TPH1: variants seen among roughly 807,000 people sequenced by gnomAD.
TPH1 encodes the protein tryptophan 5-hydroxylase 1.
A neutral mutation model predicts 49.5 loss-of-function variants in TPH1; 37 were observed. The ratio of observed to expected loss-of-function variants is 0.75; its 90% CI spans 0.58 to 0.98. The LOEUF (loss-of-function observed/expected upper bound fraction) is 0.98, where lower values mean the gene tolerates loss of function less well. Among genes scored for constraint, TPH1 ranks in the 50% least tolerant of loss-of-function variants. The pLI is 0.00. For synonymous variants in TPH1, 160 were observed against 182.1 expected (o/e 0.88, Z 0.98); for missense variants, 487 against 523.6 (o/e 0.93, Z 0.68).
chr11:18,044,081 A>G (rs938303402), intron 1 of TPH1, among the ~76,000 whole-genome samples: 2 of 152,126 alleles, frequency 1.3e-5, no homozygotes, highest in African/African-American at 4.8e-5. Context: ...ATTAATTGAA[A>G]TTTATGATAT....
At chr11:18,024,799 C>T (rs530496844) in intron 8 of TPH1, among the ~76,000 whole-genome samples, 161 of 152,294 alleles carry the variant, frequency 1.1e-3, no homozygotes, top group African/African-American at 3.8e-3. Context: ...TTCTATTTCA[C>T]GCTGCCTCCC....
chr11:18,032,080 T>A (rs1297793452), intron 4 of TPH1, among the ~76,000 whole-genome samples: 2 of 152,026 alleles, frequency 1.3e-5, no homozygotes, highest in Non-Finnish European at 2.9e-5. Flanking sequence ...CTGTCTAAGG[T>A]AGTATAAAAA....
intron 9 of TPH1, 43 bp from the exon 10 acceptor site, chr11:18,022,974 T>A (rs1854380643): frequency 1.9e-6 from 3 of 1,605,270 alleles, no homozygotes; most frequent in Middle Eastern, 4.0e-4. Flanking sequence ...AATATCTATT[T>A]TTCATAGATC....
intron 1 of TPH1, chr11:18,042,563 G>T: frequency 3.8e-6 from 1 of 262,396 alleles, no homozygotes; most frequent in Non-Finnish European, 7.6e-6. Flanking sequence ...AAACTTGGAG[G>T]GAGGATAATT....
chr11:18,036,194 G>T (rs759999606), intron 2 of TPH1, 52 bp from the exon 3 acceptor site: 2 of 1,405,468 alleles, frequency 1.4e-6, no homozygotes, highest in Non-Finnish European at 2.0e-6. Context: ...AATGTTAATA[G>T]TCTTTGAGCA....
At chr11:18,043,497 C>T (rs567304916) in intron 1 of TPH1, among the ~76,000 whole-genome samples, 10 of 152,018 alleles carry the variant, frequency 6.6e-5, no homozygotes, top group Non-Finnish European at 1.5e-4. Flanking sequence ...CCCAGCTACT[C>T]GGGAGGCTGA....
Position 18,019,699 on chromosome 11 carries a change from G to C in TPH1, c.*1292C>G. The C allele has an allele frequency of 2.2e-6, 1 of 463,978 alleles. No homozygotes were observed. Among genetic ancestry groups the C allele is most frequent in the South Asian group, 1.5e-5 (1 of 64,854 alleles). 28.7% of individuals were successfully genotyped at this position (463,978 alleles called of 1,614,324 possible). A position where few individuals can be genotyped will look rare whatever the true frequency, so the allele number is the denominator to read the frequency against. On this transcript the variant is annotated 3_prime_UTR_variant, in exon 11 of 11. Transcript: ENST00000682019. ...TGAAGAGATGGCAAAAAGAGTAGAA[G>C]TGCAAAGACAGAAACTTGAAGAACA...
chr11:18,035,569 T>C (rs1460062112), intron 3 of TPH1, among the ~76,000 whole-genome samples: 1 of 151,540 alleles, frequency 6.6e-6, no homozygotes. Flanking sequence ...GCTGGGACCA[T>C]AGATGCATGC....
chr11:18,020,745 T>A lies in TPH1; in HGVS notation c.*246A>T. On this transcript the variant is annotated 3_prime_UTR_variant, in exon 11 of 11. Coordinates refer to ENST00000682019, the MANE Select transcript of TPH1 (RefSeq NM_004179.3). ...AATGGGTGGTCAGTGGCTTGTATGG[T>A]ATATAAATTGTCTCATTAAAGCTGC... 2 of 450,996 alleles carry A rather than the reference T, an allele frequency of 4.4e-6. No individual in the cohort carries two copies. The highest frequency in any genetic ancestry group is 8.2e-6 in the Non-Finnish European group (2 of 244,858). The allele number at this position is 450,996 out of a possible 1,614,324, so 27.9% of individuals were successfully genotyped here. A position where few individuals can be genotyped will look rare whatever the true frequency, so the allele number is the denominator to read the frequency against.
intron 1 of TPH1, chr11:18,041,393 T>C (rs1330264635): frequency 6.6e-6 from 1 of 152,464 alleles, no homozygotes; most frequent in Non-Finnish European, 1.5e-5. Context: ...CTATTTACAC[T>C]GCAAAACAGT....
intron 2 of TPH1, among the ~76,000 whole-genome samples, chr11:18,037,357 C>CA (rs149722166): frequency 0.26 from 34,539 of 132,244 alleles, 4,302 homozygotes; most frequent in African/African-American, 0.31. Flanking sequence ...GACCCTTTCT[C>CA]AAAAAAAAAA....
rs980113871 is a variant in TPH1 at position 18,023,976 on chromosome 11, A to C, written c.938T>G (p.Phe313Cys). The C allele has an allele frequency of 1.2e-6, 2 of 1,610,290 alleles. No individual in the cohort carries two copies. Among genetic ancestry groups the C allele is most frequent in the Non-Finnish European group, 1.7e-6 (2 of 1,177,038 alleles). The change falls in exon 9 of 11, where the codon TTT becomes TGT. Residue 313 changes from phenylalanine (F) to cysteine (C), a missense_variant. Physicochemically the swap from Phe to Cys is radical, Grantham distance 205 (BLOSUM62 -2). Coordinates refer to ENST00000682019, the MANE Select transcript of TPH1 (RefSeq NM_004179.3). ...EAVQKLATCY[F>C]FTVEFGLCKQ... ...ACATAGACCAAACTCCACAGTGAAAAAGTAGCACTGCAAAAGAACATCAAT... is the reference window on the plus strand; with the variant it reads ...ACATAGACCAAACTCCACAGTGAAACAGTAGCACTGCAAAAGAACATCAAT...
chr11:18,022,544 T>C (rs989255841), intron 10 of TPH1, among the ~76,000 whole-genome samples: 1 of 152,194 alleles, frequency 6.6e-6, no homozygotes, highest in Non-Finnish European at 1.5e-5. Context: ...TTTTCCCTAT[T>C]AGACTACTAA....
chr11:18,036,938 T>A (rs780073110), intron 2 of TPH1, among the ~76,000 whole-genome samples: 2 of 152,054 alleles, frequency 1.3e-5, no homozygotes, highest in African/African-American at 4.8e-5. Flanking sequence ...GGTGAACACA[T>A]GGAAGATTAA....
At chr11:18,029,459 A>C in intron 5 of TPH1, 53 bp downstream of exon 5, 3 of 1,551,300 alleles carry the variant, frequency 1.9e-6, no homozygotes, top group Non-Finnish European at 1.8e-6. Flanking sequence ...AATTTATTCT[A>C]TTCACTTATT....
Position 18,025,694 on chromosome 11 carries a change from A to C in TPH1, c.811T>G (p.Cys271Gly). ...GGGACATGACCTAAGAGTTCATGGC[A>C]GGTATCTCTGAAAGAGAGGTACAAG... is the stretch of plus-strand genomic sequence containing the variant. ...DPFYTPEPDT[C>G]HELLGHVPLL... Residue 271 changes from cysteine (C) to glycine (G), a missense_variant, in exon 8 of 11, where the codon TGC (cysteine) becomes GGC (glycine). Coordinates refer to ENST00000682019, the MANE Select transcript of TPH1 (RefSeq NM_004179.3). 1.2e-6 allele frequency: 2 copies of C among 1,613,964 alleles called. No homozygotes were observed. Among genetic ancestry groups the C allele is most frequent in the South Asian group, 2.2e-5 (2 of 91,080 alleles).
Position 18,035,971 on chromosome 11 carries a change from A to G in TPH1, c.289T>C (p.Leu97=), listed in dbSNP as rs1346386770. ...LSVNLPDNFT[L]KEDGMETVPW... is the part of the protein sequence containing the mutation. ...ATTTTGAACTTACCATCTTCCTTCA[A>G]AGTAAAATTATCTGGTAGATTCACA... is the stretch of plus-strand genomic sequence containing the variant. Residue 97 remains leucine, a synonymous_variant, in exon 3 of 11, where the codon TTG becomes CTG. Coordinates refer to ENST00000682019, the MANE Select transcript of TPH1 (RefSeq NM_004179.3). The G allele has an allele frequency of 1.9e-6, 3 of 1,611,686 alleles. No homozygotes were observed. Among genetic ancestry groups the G allele is most frequent in the East Asian group, 2.2e-5 (1 of 44,806 alleles).
chr11:18,021,263 C>A (rs1854358905), intron 10 of TPH1, 98 bp from the exon 11 acceptor site: 4 of 1,238,286 alleles, frequency 3.2e-6, no homozygotes. Context: ...AGGCAAAAAA[C>A]AAATTCTTGT....
At position 18,025,563 on chromosome 11, in the gene TPH1, C is replaced by T. The variant is rs1847919368; in HGVS notation, c.930+12G>A. The stretch of plus-strand genomic sequence containing the variant: ...ACCCCAGGTGAAAATATAGCTAATT[C>T]CAGATTTATACCGTTGCCAGTTTTT... On this transcript the variant is annotated intron_variant, in intron 8 of 10. Transcript: ENST00000682019. 1 of 1,613,642 alleles carries T rather than the reference C, an allele frequency of 6.2e-7. No homozygotes were observed. Among genetic ancestry groups the T allele is most frequent in the Non-Finnish European group, 8.5e-7 (1 of 1,179,650 alleles).
Sources: gnomAD v4.1 joint callset for allele counts (sites outside exome capture counted in the v4.1 genomes callset) on GRCh38, gnomAD v4.1.1 for gene constraint, MANE v1.5 for transcripts, NCBI Gene and HGNC (gene_info 2026-07-23, HGNC 2026-07-21) for gene names.